The following CCDC50 variants were observed in gnomAD, a reference collection of about 807,000 sequenced individuals.
The protein encoded by CCDC50 is coiled-coil domain-containing protein 50.
CCDC50 carries 54 observed loss-of-function variants against 70.2 expected under a neutral mutation model. The observed-to-expected ratio is 0.77, with a 90% CI of 0.62 to 0.96. The LOEUF (loss-of-function observed/expected upper bound fraction) is 0.96. Among genes scored for constraint, CCDC50 ranks in the 50% least tolerant of loss-of-function variants. CCDC50 has a pLI of 0.00. For synonymous variants in CCDC50, 216 were observed against 198.8 expected (o/e 1.09, Z -0.73); for missense variants, 558 against 578.7 (o/e 0.96, Z 0.37).
chr3:191,380,498 A>G lies in CCDC50; in HGVS notation c.1093-189A>G, dbSNP rs938482932. ...TTCTCCATCTCCATGATTGTTCTCC[A>G]TAACCCTGCTGTAGGATTTGATAAA... On this transcript the variant is annotated intron_variant, in intron 7 of 11. Transcript: ENST00000392455. 4.6e-5 allele frequency among the ~76,000 whole-genome samples: 7 copies of G among 152,084 alleles called. No homozygotes were observed. The East Asian group carries it at 1.3e-3, about 29-fold the overall frequency.
chr3:191,373,579 G>C (rs1712988507), intron 5 of CCDC50, among the ~76,000 whole-genome samples: 1 of 152,044 alleles, frequency 6.6e-6, no homozygotes, highest in Non-Finnish European at 1.5e-5. Context: ...TGGCTGGTCT[G>C]TATTATATAA....
rs973076917 is a variant in CCDC50 at position 191,394,639 on chromosome 3, G to C, written c.*2879G>C. 1 of 152,100 alleles carries C rather than the reference G, an allele frequency of 6.6e-6. No individual in the cohort carries two copies. The highest frequency in any genetic ancestry group is 1.5e-5 in the Non-Finnish European group (1 of 67,990). 9.4% of individuals were successfully genotyped at this position (152,100 alleles called of 1,614,324 possible). A position where few individuals can be genotyped will look rare whatever the true frequency, so the allele number is the denominator to read the frequency against. ...TGGAGGCCAGGCCTCATTAACACCA[G>C]TATTGTTGAATAAGCACAATATATG... On this transcript the variant is annotated 3_prime_UTR_variant, in exon 12 of 12. Coordinates refer to ENST00000392455, the MANE Select transcript of CCDC50 (RefSeq NM_178335.3).
At chr3:191,384,171 A>T (rs182585868) in intron 10 of CCDC50, among the ~76,000 whole-genome samples, 166 of 151,884 alleles carry the variant, frequency 1.1e-3, no homozygotes, top group African/African-American at 4.0e-3. Flanking sequence ...ATGATCCTGT[A>T]TTAAAAATGG....
chr3:191,376,934 C>T (rs550151792), intron 6 of CCDC50, among the ~76,000 whole-genome samples: 1 of 152,200 alleles, frequency 6.6e-6, no homozygotes, highest in East Asian at 1.9e-4. Flanking sequence ...CTGACTTTCA[C>T]GAGTGCTCTG....
chr3:191,363,864 C>T (rs896360169), intron 4 of CCDC50, among the ~76,000 whole-genome samples: 7 of 152,116 alleles, frequency 4.6e-5, no homozygotes, highest in African/African-American at 1.4e-4. Flanking sequence ...TGACTCTCAG[C>T]TGTCTAGTAT....
At chr3:191,337,435 C>T (rs563941163) in intron 1 of CCDC50, among the ~76,000 whole-genome samples, 2 of 151,996 alleles carry the variant, frequency 1.3e-5, no homozygotes, top group African/African-American at 4.8e-5. Context: ...AGCTCTGACG[C>T]CCAGGCTCGA....
At chr3:191,332,181 CATT>C (rs1718011872) in intron 1 of CCDC50, among the ~76,000 whole-genome samples, 1 of 152,100 alleles carries the variant, frequency 6.6e-6, no homozygotes, top group African/African-American at 2.4e-5. Context: ...TAGCAGCTGA[CATT>C]AGGGTAAGGG....
chr3:191,386,098 T>C (rs2108674031), intron 10 of CCDC50, among the ~76,000 whole-genome samples: 1 of 152,336 alleles, frequency 6.6e-6, no homozygotes, highest in South Asian at 2.1e-4. Context: ...GCCTCGGCTA[T>C]GTGGCTCTTT....
At chr3:191,331,498 G>T (rs965323594) in intron 1 of CCDC50, among the ~76,000 whole-genome samples, 17 of 152,236 alleles carry the variant, frequency 1.1e-4, no homozygotes, top group African/African-American at 3.9e-4. Flanking sequence ...GCGTAATACG[G>T]TGTTTGGCAA....
intron 1 of CCDC50, among the ~76,000 whole-genome samples, chr3:191,336,664 A>G (rs1560154110): frequency 6.6e-6 from 1 of 152,112 alleles, no homozygotes. Flanking sequence ...GCCCTACTTG[A>G]TATTAGCTAA....
At chr3:191,339,099 G>A (rs570801665) in intron 1 of CCDC50, among the ~76,000 whole-genome samples, 1 of 152,304 alleles carries the variant, frequency 6.6e-6, no homozygotes, top group South Asian at 2.1e-4. Flanking sequence ...AGGGGAGACA[G>A]TTGTGAAGAA....
intron 1 of CCDC50, among the ~76,000 whole-genome samples, chr3:191,332,381 T>C (rs1718019402): frequency 6.6e-6 from 1 of 152,214 alleles, no homozygotes; most frequent in African/African-American, 2.4e-5. Flanking sequence ...TGAGTTCATA[T>C]GTAGGTGAAA....
intron 1 of CCDC50, among the ~76,000 whole-genome samples, chr3:191,349,154 T>A (rs1052291183): frequency 7.1e-6 from 1 of 141,316 alleles, no homozygotes; most frequent in Admixed American, 7.3e-5. Context: ...ATTTTGTTGA[T>A]CTCTATATAA....
At chr3:191,332,356 AC>A in intron 1 of CCDC50, among the ~76,000 whole-genome samples, 1 of 152,206 alleles carries the variant, frequency 6.6e-6, no homozygotes, top group African/African-American at 2.4e-5. Flanking sequence ...AAACTGGGAG[AC>A]AAAGGGAAAT....
chr3:191,367,675 G>A (rs1432731322), intron 4 of CCDC50, among the ~76,000 whole-genome samples: 1 of 151,864 alleles, frequency 6.6e-6, no homozygotes, highest in African/African-American at 2.4e-5. Flanking sequence ...GGTCTGTGGA[G>A]CATAGTTTAT....
In CCDC50 at chr3:191,380,878, C is replaced by A; in HGVS notation, c.1188C>A (p.Ala396=). 1 of 1,612,838 alleles carries A rather than the reference C, an allele frequency of 6.2e-7. No homozygotes were observed. Among genetic ancestry groups the A allele is most frequent in the Non-Finnish European group, 8.5e-7 (1 of 1,179,240 alleles). The part of the protein sequence containing the change: ...MAEEKKAYKK[A]KEREKSSLDK... ...AAGAAAAGAAAGCTTACAAAAAAGCCAAGGAGCGGGAGAAATCATCTTTGG... is the reference window on the plus strand; with the variant it reads ...AAGAAAAGAAAGCTTACAAAAAAGCAAAGGAGCGGGAGAAATCATCTTTGG... Residue 396 remains alanine (A), a synonymous_variant, in exon 9 of 12, where the codon GCC becomes GCA. Coordinates refer to ENST00000392455, the MANE Select transcript of CCDC50 (RefSeq NM_178335.3).
intron 9 of CCDC50, among the ~76,000 whole-genome samples, 183 bp downstream of exon 9, chr3:191,381,115 C>T (rs777242883): frequency 1.5e-4 from 23 of 152,174 alleles, no homozygotes; most frequent in Non-Finnish European, 2.6e-4. Context: ...AATTTTGGAA[C>T]ATATGTAAAA....
rs1713759915 is a variant in CCDC50 at position 191,393,353 on chromosome 3, G to A, written c.*1593G>A. Reference sequence around the variant, plus strand: ...TGGCATTTGTTTAGGGAAAAAATATGTAGGTCACTAGAGAAAAATGTTAAT... The same window carrying A: ...TGGCATTTGTTTAGGGAAAAAATATATAGGTCACTAGAGAAAAATGTTAAT... On this transcript the variant is annotated 3_prime_UTR_variant, in exon 12 of 12. Coordinates refer to ENST00000392455, the MANE Select transcript of CCDC50 (RefSeq NM_178335.3). 1 of 152,144 alleles carries A rather than the reference G, an allele frequency of 6.6e-6. No individual in the cohort carries two copies. The highest frequency in any genetic ancestry group is 2.1e-4 in the South Asian group (1 of 4,832). The allele number at this position is 152,144 out of a possible 1,614,324, so 9.4% of individuals were successfully genotyped here.
At chr3:191,391,359 A>G (rs560624756) in intron 11 of CCDC50, among the ~76,000 whole-genome samples, 33 of 152,274 alleles carry the variant, frequency 2.2e-4, no homozygotes, top group Middle Eastern at 3.4e-3. Flanking sequence ...TCTGACTCAC[A>G]TCCAATACTG....
Sources: allele counts gnomAD v4.1 joint callset (sites outside exome capture counted in the v4.1 genomes callset), GRCh38; gene constraint gnomAD v4.1.1; transcripts MANE v1.5; gene names NCBI Gene and HGNC (gene_info 2026-07-23, HGNC 2026-07-21).